Variants in STAG1 observed in about 807,000 individuals in gnomAD.
STAG1 encodes cohesin subunit SA-1.
In STAG1, 26 loss-of-function variants were observed where a neutral mutation model predicts 170.9. The ratio of observed to expected loss-of-function variants is 0.15; its 90% CI spans 0.11 to 0.21. STAG1 has a LOEUF of 0.21. Among genes scored for constraint, STAG1 ranks in the 10% least tolerant of loss-of-function variants. STAG1 has a pLI of 1.00. For missense variants in STAG1, 964 were observed against 1,509.5 expected (o/e 0.64, Z 5.99); for synonymous variants, 514 against 497.7 (o/e 1.03, Z -0.44).
At chr3:136,654,708 T>C (rs897264891) in intron 1 of STAG1, among the ~76,000 whole-genome samples, 1 of 152,194 alleles carries the variant, frequency 6.6e-6, no homozygotes, top group African/African-American at 2.4e-5. Context: ...ATACTGAATC[T>C]TGAAGAACAA....
chr3:136,396,621 G>A (rs1484743617), intron 22 of STAG1, among the ~76,000 whole-genome samples: 2 of 129,946 alleles, frequency 1.5e-5, no homozygotes, highest in African/African-American at 6.1e-5. Context: ...TCCGCCTCCC[G>A]AGTTCAAGCG....
chr3:136,510,257 A>C (rs1933984703), intron 7 of STAG1, among the ~76,000 whole-genome samples: 1 of 152,122 alleles, frequency 6.6e-6, no homozygotes, highest in Admixed American at 6.6e-5. Flanking sequence ...GCAGTTTCCC[A>C]CATGCTCTTC....
chr3:136,678,930 T>C (rs529397808), intron 1 of STAG1, among the ~76,000 whole-genome samples: 2 of 136,808 alleles, frequency 1.5e-5, no homozygotes, highest in East Asian at 4.1e-4. Context: ...GCTGTAGTAC[T>C]AGCTACCTGG....
At chr3:136,636,173 A>G (rs1469393771) in intron 1 of STAG1, among the ~76,000 whole-genome samples, 1 of 152,042 alleles carries the variant, frequency 6.6e-6, no homozygotes, top group Non-Finnish European at 1.5e-5. Flanking sequence ...ACTTGAACCC[A>G]GAAGGCAGAG....
At chr3:136,488,603 T>C (rs1440350484) in intron 9 of STAG1, among the ~76,000 whole-genome samples, 1 of 152,230 alleles carries the variant, frequency 6.6e-6, no homozygotes, top group Non-Finnish European at 1.5e-5. Context: ...ACGTTTGTGG[T>C]TATCCCTATG....
intron 1 of STAG1, among the ~76,000 whole-genome samples, chr3:136,653,714 C>T (rs779838886): frequency 6.6e-6 from 1 of 152,140 alleles, no homozygotes. Flanking sequence ...ATGCTCTTAA[C>T]TTTGCTGAGA....
intron 9 of STAG1, among the ~76,000 whole-genome samples, chr3:136,496,129 AG>A (rs1933073314): frequency 6.6e-6 from 1 of 152,162 alleles, no homozygotes; most frequent in Non-Finnish European, 1.5e-5. Context: ...GGGCAACAAG[AG>A]GGAGACTCCG....
intron 21 of STAG1, among the ~76,000 whole-genome samples, chr3:136,413,624 A>G (rs2087692099): frequency 6.6e-6 from 1 of 151,720 alleles, no homozygotes; most frequent in African/African-American, 2.4e-5. Flanking sequence ...ATGCCCAGCT[A>G]ATTTTGTATT....
intron 1 of STAG1, among the ~76,000 whole-genome samples, chr3:136,635,135 T>C (rs1940502180): frequency 6.6e-6 from 1 of 152,158 alleles, no homozygotes; most frequent in Non-Finnish European, 1.5e-5. Context: ...CTGTGAGGCA[T>C]TTCTGTAACA....
chr3:136,613,403 G>C (rs908592432), intron 3 of STAG1, among the ~76,000 whole-genome samples: 1 of 149,788 alleles, frequency 6.7e-6, no homozygotes, highest in Non-Finnish European at 1.5e-5. Context: ...TTAAATTTCA[G>C]CCATTCTAAT....
intron 2 of STAG1, among the ~76,000 whole-genome samples, chr3:136,623,731 G>A (rs1278086471): frequency 6.6e-5 from 10 of 152,022 alleles, no homozygotes; most frequent in Admixed American, 3.9e-4. Context: ...TGAGGCAGGC[G>A]GATCACCTGA....
At chr3:136,395,671 G>T (rs1019307602) in intron 22 of STAG1, among the ~76,000 whole-genome samples, 7 of 151,938 alleles carry the variant, frequency 4.6e-5, no homozygotes, top group Non-Finnish European at 1.0e-4. Context: ...TTACAAGGAG[G>T]AATTAACTAT....
At chr3:136,715,778 T>A (rs1383860998) in intron 1 of STAG1, among the ~76,000 whole-genome samples, 3 of 151,928 alleles carry the variant, frequency 2.0e-5, no homozygotes, top group Non-Finnish European at 2.9e-5. Context: ...TTTTTTTTTT[T>A]AAAGTATGTA....
intron 1 of STAG1, among the ~76,000 whole-genome samples, chr3:136,713,825 C>A (rs1476420587): frequency 6.6e-6 from 1 of 151,874 alleles, no homozygotes; most frequent in African/African-American, 2.4e-5. Flanking sequence ...AAATTTAAGA[C>A]CGCCCTAGCC....
chr3:136,738,306 C>T (rs531105149), intron 1 of STAG1, among the ~76,000 whole-genome samples: 2 of 152,134 alleles, frequency 1.3e-5, no homozygotes, highest in Non-Finnish European at 2.9e-5. Flanking sequence ...GCCTGGCCAA[C>T]ATGGTGAAAC....
At chr3:136,702,420 T>A (rs1354970118) in intron 1 of STAG1, among the ~76,000 whole-genome samples, 1 of 152,168 alleles carries the variant, frequency 6.6e-6, no homozygotes, top group African/African-American at 2.4e-5. Flanking sequence ...GGAGTCTTGC[T>A]CTGTTACCCA....
chr3:136,506,489 A>C (rs1300335037), intron 7 of STAG1, among the ~76,000 whole-genome samples: 1 of 150,420 alleles, frequency 6.6e-6, no homozygotes, highest in Non-Finnish European at 1.5e-5. Context: ...AAAAAAAAAA[A>C]AAAAAAATTT....
chr3:136,583,139 G>C (rs1937630520), intron 4 of STAG1, among the ~76,000 whole-genome samples: 1 of 152,162 alleles, frequency 6.6e-6, no homozygotes, highest in South Asian at 2.1e-4. Flanking sequence ...TAGGCTCTCA[G>C]GCAATTCATT....
Position 136,737,255 on chromosome 3 carries a change from C to G in STAG1, c.-84+14940G>C, listed in dbSNP as rs1367242005. The G allele has an allele frequency of 6.8e-6, 4 of 587,144 alleles. No homozygotes were observed. In the African/African-American group the frequency reaches 7.5e-5, roughly 11 times the overall value. 36.4% of individuals were successfully genotyped at this position (587,144 alleles called of 1,614,324 possible). A position where few individuals can be genotyped will look rare whatever the true frequency, so the allele number is the denominator to read the frequency against. On this transcript the variant is annotated intron_variant, in intron 1 of 33. Transcript: ENST00000383202. ...TCCCCAGCCCAGCCACCACGTGACC[C>G]CCATGCCCAGTTAATTTTTTGTATT...
Sources: allele counts gnomAD v4.1 joint callset (sites outside exome capture counted in the v4.1 genomes callset), GRCh38; gene constraint gnomAD v4.1.1; transcripts MANE v1.5; gene names NCBI Gene and HGNC (gene_info 2026-07-23, HGNC 2026-07-21).